The following PPFIBP1 variants were observed in gnomAD, a reference collection of about 807,000 sequenced individuals.
The protein encoded by PPFIBP1 is PPFIB scaffold protein 1, also known as liprin-beta-1.
Under a neutral mutation model 137.8 loss-of-function variants are expected in PPFIBP1, and 112 were observed. That is an observed-to-expected ratio of 0.81 (90% confidence interval 0.70 to 0.95). The LOEUF (loss-of-function observed/expected upper bound fraction) is 0.95. Ranked by LOEUF, PPFIBP1 falls within the 40% of genes least tolerant of loss-of-function variation. The probability of loss-of-function intolerance (pLI) is 0.00; values close to 1 mark genes in which losing one functional copy is unlikely to be tolerated. For missense variants in PPFIBP1, 1,083 were observed against 1,196.6 expected, an observed-to-expected ratio of 0.91 and a Z score of 1.40; for synonymous variants, 378 against 417.3, an observed-to-expected ratio of 0.91 and a Z score of 1.15.
intron 2 of PPFIBP1, among the ~76,000 whole-genome samples, chr12:27,598,701 G>T (rs753596235): frequency 6.6e-6 from 1 of 152,042 alleles, no homozygotes; most frequent in East Asian, 1.9e-4. Context: ...GCAATGACAC[G>T]CATCATCCTT....
intron 3 of PPFIBP1, among the ~76,000 whole-genome samples, chr12:27,634,139 CTTTTT>C (rs375816732): frequency 2.9e-4 from 32 of 111,606 alleles, no homozygotes; most frequent in African/African-American, 9.9e-4. Context: ...CCGGCCATAT[CTTTTT>C]TTTTTTTTTT....
At chr12:27,638,822 A>C (rs542251551) in intron 4 of PPFIBP1, among the ~76,000 whole-genome samples, 42 of 152,312 alleles carry the variant, frequency 2.8e-4, no homozygotes, top group African/African-American at 9.6e-5. Context: ...TAAATTCAAA[A>C]ATTTTTGGAA....
chr12:27,613,003 G>A (rs2055324685), intron 2 of PPFIBP1, among the ~76,000 whole-genome samples: 1 of 152,084 alleles, frequency 6.6e-6, no homozygotes, highest in East Asian at 1.9e-4. Flanking sequence ...CCTGTAGCAG[G>A]GTGGAATAGC....
chr12:27,554,426 G>T (rs1347128964), intron 1 of PPFIBP1, among the ~76,000 whole-genome samples: 1 of 152,270 alleles, frequency 6.6e-6, no homozygotes, highest in Non-Finnish European at 1.5e-5. Flanking sequence ...GTGATTGGGA[G>T]TTGCGGTTGA....
chr12:27,629,752 T>C (rs1019413239), intron 2 of PPFIBP1, among the ~76,000 whole-genome samples: 1 of 152,188 alleles, frequency 6.6e-6, no homozygotes, highest in Non-Finnish European at 1.5e-5. Context: ...GACCTAGCCC[T>C]GAAAATTAAC....
At chr12:27,538,525 C>G (rs1285925721) in intron 1 of PPFIBP1, among the ~76,000 whole-genome samples, 1 of 152,216 alleles carries the variant, frequency 6.6e-6, no homozygotes, top group Non-Finnish European at 1.5e-5. Flanking sequence ...TTTTTTCCAA[C>G]ACTGACTCTC....
chr12:27,642,836 G>A (rs918240058), intron 4 of PPFIBP1, among the ~76,000 whole-genome samples: 18 of 152,054 alleles, frequency 1.2e-4, no homozygotes, highest in Non-Finnish European at 2.4e-4. Flanking sequence ...AGCAAAACAG[G>A]AAATCAAGGT....
intron 2 of PPFIBP1, among the ~76,000 whole-genome samples, chr12:27,619,763 G>A (rs1410326936): frequency 2.6e-5 from 4 of 152,146 alleles, no homozygotes. Flanking sequence ...TTACATAGGT[G>A]TATGTATTTG....
chr12:27,585,807 A>C (rs1208787798), intron 2 of PPFIBP1, among the ~76,000 whole-genome samples: 1 of 152,152 alleles, frequency 6.6e-6, no homozygotes, highest in Non-Finnish European at 1.5e-5. Context: ...GGTAGACTGG[A>C]GAAGTAGCAC....
Position 27,605,033 on chromosome 12 carries a change from C to G in PPFIBP1, c.-36+26794C>G, listed in dbSNP as rs111412604. ...CCCCCTCCATGATTCAGTCATCTCCCACCAGGTCCCTCCCACAACACATGG... is the reference window on the plus strand; with the variant it reads ...CCCCCTCCATGATTCAGTCATCTCCGACCAGGTCCCTCCCACAACACATGG... On this transcript the variant is annotated intron_variant, in intron 2 of 29. Transcript: ENST00000228425. 1.8e-3 allele frequency among the ~76,000 whole-genome samples: 269 copies of G among 152,226 alleles called. 3 individuals carry two copies. The highest frequency in any genetic ancestry group is 6.2e-3 in the African/African-American group (256 of 41,520).
At chr12:27,686,712 T>C (rs2061222210) in intron 24 of PPFIBP1, among the ~76,000 whole-genome samples, 1 of 152,162 alleles carries the variant, frequency 6.6e-6, no homozygotes, top group Non-Finnish European at 1.5e-5. Context: ...TGTTCTGATT[T>C]TCCCCAAAAT....
chr12:27,556,936 C>T (rs1163389142), intron 1 of PPFIBP1, among the ~76,000 whole-genome samples: 3 of 128,916 alleles, frequency 2.3e-5, no homozygotes, highest in African/African-American at 6.2e-5. Context: ...CCTAAAATCT[C>T]AATAAAGACC....
At chr12:27,676,953 T>C (rs752212244) in intron 18 of PPFIBP1, 111 bp from the exon 19 acceptor site, 1 of 1,417,774 alleles carries the variant, frequency 7.1e-7, no homozygotes, top group South Asian at 1.2e-5. Context: ...ATGCCTCTCC[T>C]CCACGGTGTG....
chr12:27,666,085 A>G (rs993981615), intron 12 of PPFIBP1, among the ~76,000 whole-genome samples: 2 of 147,214 alleles, frequency 1.4e-5, no homozygotes, highest in African/African-American at 5.0e-5. Flanking sequence ...TAATTAGACT[A>G]TATCGTAAAA....
At chr12:27,623,216 G>C (rs2056499139) in intron 2 of PPFIBP1, among the ~76,000 whole-genome samples, 1 of 152,160 alleles carries the variant, frequency 6.6e-6, no homozygotes, top group East Asian at 1.9e-4. Context: ...ATAACAAGTT[G>C]AAACAGACCC....
chr12:27,685,326 C>G (rs2061141002), intron 24 of PPFIBP1, among the ~76,000 whole-genome samples: 1 of 151,294 alleles, frequency 6.6e-6, no homozygotes, highest in African/African-American at 2.4e-5. Flanking sequence ...TATTATAATA[C>G]TATTATTATC....
rs1158677001 is a variant in PPFIBP1, at chr12:27,647,772, T to C, written c.401T>C (p.Ile134Thr). The C allele has an allele frequency of 2.5e-6, 4 of 1,611,228 alleles. No individual in the cohort carries two copies. The African/African-American group carries it at 4.0e-5, about 16-fold the overall frequency. Residue 134 changes from isoleucine to threonine, a missense_variant, in exon 6 of 30, where the codon ATT becomes ACT. By Grantham distance (89) the Ile-to-Thr change is moderately conservative (BLOSUM62 -1). Coordinates refer to ENST00000228425, the MANE Select transcript of PPFIBP1 (RefSeq NM_003622.4). ...CAGGTGGAGGCTCAGGGAGAGAAGA[T>C]TCGAGATTTGGAGTTTTGTCTTGAA... Reference protein sequence around the residue: ...TDQVEAQGEKIRDLEFCLEEH... With the variant: ...TDQVEAQGEKTRDLEFCLEEH...
At chr12:27,654,869 A>G (rs983473568) in intron 8 of PPFIBP1, 55 bp downstream of exon 8, 2 of 1,545,362 alleles carry the variant, frequency 1.3e-6, no homozygotes, top group African/African-American at 1.4e-5. Flanking sequence ...CTATTCATCT[A>G]TGCCCAATAA....
chr12:27,559,871 A>G (rs2049018341), intron 1 of PPFIBP1, among the ~76,000 whole-genome samples: 1 of 152,244 alleles, frequency 6.6e-6, no homozygotes, highest in East Asian at 1.9e-4. Context: ...GGGTAAGTTG[A>G]CATTTTCTAG....
Sources: allele counts gnomAD v4.1 joint callset (sites outside exome capture counted in the v4.1 genomes callset), GRCh38; gene constraint gnomAD v4.1.1; transcripts MANE v1.5; gene names NCBI Gene and HGNC (gene_info 2026-07-23, HGNC 2026-07-21).